FGF11: variants seen among roughly 807,000 people sequenced by gnomAD.
FGF11 encodes fibroblast growth factor 11.
FGF11 carries 25 observed loss-of-function variants against 25.1 expected under a neutral mutation model. That is an observed-to-expected ratio of 1.00 (90% CI 0.73 to 1.39). The LOEUF (loss-of-function observed/expected upper bound fraction) is 1.39. Among genes scored for constraint, FGF11 ranks in the 40% most tolerant of loss-of-function variants. FGF11 has a pLI of 0.00. For synonymous variants in FGF11, 130 were observed against 128.9 expected, an observed-to-expected ratio of 1.01 and a Z score of -0.06; for missense variants, 320 against 311.0, an observed-to-expected ratio of 1.03 and a Z score of -0.22.
rs1186952058 is a variant in FGF11 at position 7,443,095 on chromosome 17, T to C, written c.627T>C (p.Pro209=). 6.2e-7 allele frequency: 1 copy of C among 1,612,614 alleles called. No homozygotes were observed. Among genetic ancestry groups the C allele is most frequent in the Admixed American group, 1.7e-5 (1 of 59,946 alleles). ...TCACAGTGGCCATGTACCAGGAGCC[T>C]TCTCTCCACAGTGTCCCCGAGGCCT... ...KLLEVAMYQE[P]SLHSVPEASP... The change falls in exon 5 of 5, where the codon CCT becomes CCC. Residue 209 remains proline (P), a synonymous_variant. Coordinates refer to ENST00000293829, the MANE Select transcript of FGF11 (RefSeq NM_004112.4).
At chr17:7,441,408 A>G (rs781298606) in intron 1 of FGF11, 63 bp from the exon 2 acceptor site, 1 of 1,603,220 alleles carries the variant, frequency 6.2e-7, no homozygotes, top group Non-Finnish European at 8.5e-7. Context: ...TAATCCTGCC[A>G]AGTGTAGGAA....
chr17:7,441,409 A>C (rs1301469002), intron 1 of FGF11, 62 bp from the exon 2 acceptor site: 1 of 1,603,508 alleles, frequency 6.2e-7, no homozygotes, highest in African/African-American at 1.3e-5. Flanking sequence ...AATCCTGCCA[A>C]GTGTAGGAAT....
In FGF11 at chr17:7,440,653, GC is replaced by G; in HGVS notation, c.194-815del. The G allele has an allele frequency of 1.0e-6, 1 of 985,176 alleles. No individual in the cohort carries two copies. The highest frequency in any genetic ancestry group is 1.2e-6 in the Non-Finnish European group (1 of 830,034). 61.0% of individuals were successfully genotyped at this position (985,176 alleles called of 1,614,324 possible). On this transcript the variant is annotated intron_variant, in intron 1 of 4. Transcript: ENST00000293829. This position sits in a 1 kb window ranked among gnomAD's most constrained non-coding sequence, Gnocchi z 5.4. ...AGGGAGTCCCTCTGGCCCTGCTCCC[GC>G]CCGCTCCCAGCTCCCCTAAGGGTAG...
rs1285359041 is a variant in FGF11, at chr17:7,443,224, C to G, written c.*78C>G. On this transcript the variant is annotated 3_prime_UTR_variant, in exon 5 of 5. Transcript: ENST00000293829. ...CCACAACCTGTCTCCCAGTCCTGCT[C>G]TCACCCCTGCTGCCACACACATGCC... 1.5e-5 allele frequency: 13 copies of G among 894,586 alleles called. No individual in the cohort carries two copies. The highest frequency in any genetic ancestry group is 3.3e-5 in the African/African-American group (2 of 60,432). 55.4% of individuals were successfully genotyped at this position (894,586 alleles called of 1,614,324 possible).
rs1391261850 is a variant in FGF11 at position 7,440,401 on chromosome 17, G to C, written c.193+588G>C. 1.3e-5 allele frequency: 2 copies of C among 152,642 alleles called. No homozygotes were observed. Among genetic ancestry groups the C allele is most frequent in the African/African-American group, 4.8e-5 (2 of 41,418 alleles). The allele number at this position is 152,642 out of a possible 1,614,324, so 9.5% of individuals were successfully genotyped here. ...CTCCTGTGACCTGCGCTTCAAGAAC[G>C]GAGCTGGGCACCCCTCCCATAACCC... On this transcript the variant is annotated intron_variant, in intron 1 of 4. Coordinates refer to ENST00000293829, the MANE Select transcript of FGF11 (RefSeq NM_004112.4). This position sits in a 1 kb window ranked among gnomAD's most constrained non-coding sequence, Gnocchi z 5.4.
chr17:7,439,384 G>C (rs4151123), upstream of FGF11: 3 of 415,270 alleles, frequency 7.2e-6, no homozygotes, highest in Admixed American at 1.3e-4. Context: ...GATCCACTGA[G>C]GAGTACATAG....
In FGF11 at chr17:7,443,287, G is replaced by T; in HGVS notation, c.*141G>T. 1 of 600,188 alleles carries T rather than the reference G, an allele frequency of 1.7e-6. No homozygotes were observed. 37.2% of individuals were successfully genotyped at this position (600,188 alleles called of 1,614,324 possible). A position where few individuals can be genotyped will look rare whatever the true frequency, so the allele number is the denominator to read the frequency against. ...GTCCCACTAGGTGCTCTACCCTGAGGGAGCCTAGGGGCTGACTGTGACTTC... is the reference window on the plus strand; with the variant it reads ...GTCCCACTAGGTGCTCTACCCTGAGTGAGCCTAGGGGCTGACTGTGACTTC... On this transcript the variant is annotated 3_prime_UTR_variant, in exon 5 of 5. Coordinates refer to ENST00000293829, the MANE Select transcript of FGF11 (RefSeq NM_004112.4).
chr17:7,444,894 C>G lies in FGF11; in HGVS notation c.*1748C>G. ...TGGCACTGCTCCCAGGGGATCGGGT[C>G]TCCACTCCAGCTTTCTCAATTAAAG... On this transcript the variant is annotated 3_prime_UTR_variant, in exon 5 of 5. Transcript: ENST00000293829. 1.7e-6 allele frequency: 1 copy of G among 600,388 alleles called. No individual in the cohort carries two copies. The highest frequency in any genetic ancestry group is 3.0e-6 in the Non-Finnish European group (1 of 337,022). 37.2% of individuals were successfully genotyped at this position (600,388 alleles called of 1,614,324 possible).
At chr17:7,443,052 C>T (rs768851880) in intron 4 of FGF11, 24 bp from the exon 5 acceptor site, 6 of 1,584,764 alleles carry the variant, frequency 3.8e-6, no homozygotes, top group Non-Finnish European at 5.2e-6. Flanking sequence ...TCCTTCCCTG[C>T]TCCTCTCTTT....
Position 7,442,513 on chromosome 17 carries a change from T to C in FGF11, c.409-81T>C, listed in dbSNP as rs556490782. On this transcript the variant is annotated intron_variant, in intron 3 of 4. Transcript: ENST00000293829. The stretch of plus-strand genomic sequence containing the variant: ...CCTCCCCCAAAAAGGATTTGTGCTT[T>C]CCATGAGCTCCTTTCTGCCCAGTGA... 21 of 1,602,480 alleles carry C rather than the reference T, an allele frequency of 1.3e-5. No homozygotes were observed. The African/African-American group carries it at 2.7e-4, about 20-fold the overall frequency.
chr17:7,438,858 G>A (rs527664222), upstream of FGF11, among the ~76,000 whole-genome samples: 3 of 152,340 alleles, frequency 2.0e-5, no homozygotes, highest in Admixed American at 2.0e-4. Flanking sequence ...ACTAGGAAGG[G>A]TGGATTTGGA....
intron 4 of FGF11, 78 bp from the exon 5 acceptor site, chr17:7,442,998 C>G: frequency 7.8e-7 from 1 of 1,284,992 alleles, no homozygotes; most frequent in Non-Finnish European, 1.1e-6. Flanking sequence ...GAAGGGAGCC[C>G]TTTTGGAGCA....
rs1820127272 is a variant in FGF11 at position 7,443,159 on chromosome 17, G to A, written c.*13G>A. On this transcript the variant is annotated 3_prime_UTR_variant, in exon 5 of 5. Transcript: ENST00000293829. ...CCCTGCCCCCTGAAATGTAGTCCCT[G>A]GACTGGAGGTTCCCTGCACTCCCAG... 2 of 1,554,680 alleles carry A rather than the reference G, an allele frequency of 1.3e-6. No individual in the cohort carries two copies. The highest frequency in any genetic ancestry group is 1.8e-6 in the Non-Finnish European group (2 of 1,131,468).
chr17:7,442,500 A>AAGGTAC, intron 3 of FGF11, 94 bp from the exon 4 acceptor site: 1 of 1,585,296 alleles, frequency 6.3e-7, no homozygotes, highest in Non-Finnish European at 8.6e-7. Context: ...TCCCCCAAAA[A>AAGGTAC]GGATTTGTGC....
chr17:7,442,892 C>A, intron 4 of FGF11, 100 bp downstream of exon 4: 1 of 1,332,770 alleles, frequency 7.5e-7, no homozygotes, highest in Non-Finnish European at 1.1e-6. Flanking sequence ...GATAAGAGGA[C>A]CCTTTGTGAC....
In FGF11 at chr17:7,441,803, T is replaced by C. The variant is rs770705672; in HGVS notation, c.332T>C (p.Leu111Pro). 1.9e-6 allele frequency: 3 copies of C among 1,611,806 alleles called. No homozygotes were observed. Among genetic ancestry groups the C allele is most frequent in the Non-Finnish European group, 2.5e-6 (3 of 1,178,786 alleles). Residue 111 changes from leucine to proline, a missense_variant, in exon 3 of 5, where the codon CTC becomes CCC. Physicochemically the swap from Leu to Pro is moderately conservative, Grantham distance 98. Transcript: ENST00000293829. The part of the protein sequence containing the change: ...FTHFNLIPVG[L>P]RVVTIQSAKL... ...CACTTCAACCTGATCCCTGTGGGCC[T>C]CCGTGTGGTCACCATCCAGAGCGCC...
rs1908215582 is a variant in FGF11 at position 7,439,614 on chromosome 17, G to C, written c.-7G>C. The C allele has an allele frequency of 8.4e-6, 12 of 1,421,858 alleles. No individual in the cohort carries two copies. Among genetic ancestry groups the C allele is most frequent in the East Asian group, 2.9e-5 (1 of 34,818 alleles). The allele number at this position is 1,421,858 out of a possible 1,614,324, so 88.1% of individuals were successfully genotyped here. On this transcript the variant is annotated 5_prime_UTR_variant, in exon 1 of 5. Transcript: ENST00000293829. ...GCCGGTTTGGGGGTGTCTCCTCCCG[G>C]GGCGCTATGGCGGCGCTGGCCAGTA...
At position 7,442,094 on chromosome 17, in the gene FGF11, G is replaced by A. The variant is rs896845424; in HGVS notation, c.408+215G>A. 3.5e-5 allele frequency: 17 copies of A among 486,506 alleles called. No individual in the cohort carries two copies. The East Asian group carries it at 3.7e-4, about 11-fold the overall frequency. The allele number at this position is 486,506 out of a possible 1,614,324, so 30.1% of individuals were successfully genotyped here. On this transcript the variant is annotated intron_variant, in intron 3 of 4. Coordinates refer to ENST00000293829, the MANE Select transcript of FGF11 (RefSeq NM_004112.4). ...CTTGCACACCCCCAAAACAGCCCCAGGTTCTTTGAATGTCCAACTCTTTCT... is the reference window on the plus strand; with the variant it reads ...CTTGCACACCCCCAAAACAGCCCCAAGTTCTTTGAATGTCCAACTCTTTCT...
Position 7,444,052 on chromosome 17 carries a change from A to G in FGF11, c.*906A>G, listed in dbSNP as rs1198572564. ...GATGAGTTCTGGAAAAGACCCAGCTATGATTCATAAAAACACTTCTGGATG... is the reference window on the plus strand; with the variant it reads ...GATGAGTTCTGGAAAAGACCCAGCTGTGATTCATAAAAACACTTCTGGATG... On this transcript the variant is annotated 3_prime_UTR_variant, in exon 5 of 5. Transcript: ENST00000293829. The G allele has an allele frequency of 6.6e-6, 1 of 152,208 alleles. No individual in the cohort carries two copies. Among genetic ancestry groups the G allele is most frequent in the Admixed American group, 6.5e-5 (1 of 15,278 alleles). The allele number at this position is 152,208 out of a possible 1,614,324, so 9.4% of individuals were successfully genotyped here. A position where few individuals can be genotyped will look rare whatever the true frequency, so the allele number is the denominator to read the frequency against.
Sources: allele counts gnomAD v4.1 joint callset (sites outside exome capture counted in the v4.1 genomes callset), GRCh38; gene constraint gnomAD v4.1.1; non-coding constraint Gnocchi (gnomAD v3.1); transcripts MANE v1.5; gene names NCBI Gene and HGNC (gene_info 2026-07-23, HGNC 2026-07-21).